RGS6: variants seen among roughly 807,000 people sequenced by gnomAD.
The protein encoded by RGS6 is regulator of G-protein signaling 6.
In RGS6, 30 loss-of-function variants were observed where a neutral mutation model predicts 78.5. That is an observed-to-expected ratio of 0.38 (90% CI 0.29 to 0.52). RGS6 has a LOEUF of 0.52. Among genes scored for constraint, RGS6 ranks in the 20% least tolerant of loss-of-function variants. RGS6 has a pLI of 0.85. For synonymous variants in RGS6, 206 were observed against 206.0 expected (o/e 1.00, Z 0.00); for missense variants, 495 against 609.7 (o/e 0.81, Z 1.98).
intron 13 of RGS6, among the ~76,000 whole-genome samples, chr14:72,500,337 C>A (rs1427145792): frequency 6.6e-6 from 1 of 152,222 alleles, no homozygotes; most frequent in Non-Finnish European, 1.5e-5. Context: ...CTTCTCCCAA[C>A]AGACTACTCC....
chr14:71,985,009 A>G (rs1252157271), intron 2 of RGS6, among the ~76,000 whole-genome samples: 3 of 152,274 alleles, frequency 2.0e-5, no homozygotes, highest in African/African-American at 4.8e-5. Flanking sequence ...AGTAGTATAC[A>G]TAACACATTA....
At chr14:72,220,604 G>C (rs139400557) in intron 2 of RGS6, among the ~76,000 whole-genome samples, 8 of 152,156 alleles carry the variant, frequency 5.3e-5, no homozygotes, top group African/African-American at 1.7e-4. Flanking sequence ...GGCTGCTTCC[G>C]TATAGTATTT....
chr14:72,384,407 G>T (rs2087202988), intron 3 of RGS6, among the ~76,000 whole-genome samples: 1 of 152,132 alleles, frequency 6.6e-6, no homozygotes, highest in South Asian at 2.1e-4. Flanking sequence ...AAAATGAAAT[G>T]TATGTTTTTT....
At chr14:71,961,550 G>A (rs2093200812) in intron 1 of RGS6, among the ~76,000 whole-genome samples, 1 of 152,136 alleles carries the variant, frequency 6.6e-6, no homozygotes, top group African/African-American at 2.4e-5. Context: ...CTAGGAAGTG[G>A]TGGAGCCTGG....
chr14:72,024,206 G>T (rs565990525), intron 2 of RGS6, among the ~76,000 whole-genome samples: 1 of 152,300 alleles, frequency 6.6e-6, no homozygotes, highest in South Asian at 2.1e-4. Context: ...AAGAACAGGA[G>T]GAAATAAAAT....
At chr14:72,352,478 C>T (rs561672049) in intron 3 of RGS6, among the ~76,000 whole-genome samples, 4 of 152,272 alleles carry the variant, frequency 2.6e-5, no homozygotes, top group Admixed American at 6.5e-5. Context: ...GCAACTTTGC[C>T]TGTGGGATAC....
At chr14:72,298,431 CTTTTTT>C (rs1201498031) in intron 2 of RGS6, among the ~76,000 whole-genome samples, 13 of 83,746 alleles carry the variant, frequency 1.6e-4, no homozygotes, top group Non-Finnish European at 2.5e-4. Flanking sequence ...CATTAATGTT[CTTTTTT>C]TTTTTTTTTT....
At chr14:72,140,168 G>A (rs551672839) in intron 2 of RGS6, among the ~76,000 whole-genome samples, 54 of 152,228 alleles carry the variant, frequency 3.5e-4, no homozygotes, top group African/African-American at 1.1e-3. Flanking sequence ...AGAAGGTGGC[G>A]AGAAGCTTCA....
At chr14:72,363,999 T>TAAAAAAA (rs55943058) in intron 3 of RGS6, among the ~76,000 whole-genome samples, 504 of 46,794 alleles carry the variant, frequency 0.011, 126 homozygotes, top group African/African-American at 0.028. Context: ...TGGACAAGGC[T>TAAAAAAA]AAAAAAAAAA....
chr14:71,935,791 C>T (rs983715866), intron 1 of RGS6, among the ~76,000 whole-genome samples: 9 of 151,588 alleles, frequency 5.9e-5, no homozygotes, highest in South Asian at 4.2e-4. Flanking sequence ...AAGCTAATGA[C>T]GTATTTATTG....
chr14:72,401,670 A>G (rs185557456), intron 3 of RGS6, among the ~76,000 whole-genome samples: 106 of 152,098 alleles, frequency 7.0e-4, no homozygotes, highest in African/African-American at 2.5e-3. Context: ...AGAAAACTAC[A>G]CAGCTCTTAC....
At chr14:72,282,976 T>C (rs752575465) in intron 2 of RGS6, among the ~76,000 whole-genome samples, 3 of 152,154 alleles carry the variant, frequency 2.0e-5, no homozygotes, top group Non-Finnish European at 2.9e-5. Flanking sequence ...TACTCTCTGC[T>C]TCTATGGTTT....
chr14:72,150,662 C>A (rs147413468), intron 2 of RGS6, among the ~76,000 whole-genome samples: 1 of 151,998 alleles, frequency 6.6e-6, no homozygotes, highest in East Asian at 1.9e-4. Flanking sequence ...GAAATTGCTG[C>A]GAGGTGCTAC....
At chr14:72,247,792 G>T (rs373633804) in intron 2 of RGS6, among the ~76,000 whole-genome samples, 3 of 152,158 alleles carry the variant, frequency 2.0e-5, no homozygotes, top group Non-Finnish European at 4.4e-5. Context: ...CCATTTTCCT[G>T]TTGCTCTCTT....
intron 2 of RGS6, among the ~76,000 whole-genome samples, chr14:72,106,762 T>C (rs2095641423): frequency 6.6e-6 from 1 of 152,182 alleles, no homozygotes; most frequent in Admixed American, 6.5e-5. Flanking sequence ...ACTTGGACTG[T>C]TAGACCTGTT....
At chr14:72,062,284 G>A (rs531019700) in intron 2 of RGS6, among the ~76,000 whole-genome samples, 1 of 152,244 alleles carries the variant, frequency 6.6e-6, no homozygotes, top group Non-Finnish European at 1.5e-5. Flanking sequence ...AAAGAGACCA[G>A]TGTGGCTGGA....
intron 2 of RGS6, among the ~76,000 whole-genome samples, chr14:72,100,011 G>A (rs535246650): frequency 5.3e-5 from 8 of 152,170 alleles, no homozygotes; most frequent in East Asian, 3.9e-4. Flanking sequence ...AGCAGAGAGC[G>A]GGTCACCAGC....
chr14:72,022,109 T>C (rs1429047377), intron 2 of RGS6, among the ~76,000 whole-genome samples: 1 of 152,198 alleles, frequency 6.6e-6, no homozygotes, highest in Non-Finnish European at 1.5e-5. Context: ...ATGATCTTGT[T>C]ATTTTTTATG....
intron 13 of RGS6, among the ~76,000 whole-genome samples, chr14:72,500,820 A>C (rs2096714286): frequency 6.6e-6 from 1 of 152,232 alleles, no homozygotes; most frequent in Non-Finnish European, 1.5e-5. Flanking sequence ...GCCAGAGGCC[A>C]ACAAAAACTA....
Sources: allele counts gnomAD v4.1 joint callset (sites outside exome capture counted in the v4.1 genomes callset), GRCh38; gene constraint gnomAD v4.1.1; transcripts MANE v1.5; gene names NCBI Gene and HGNC (gene_info 2026-07-23, HGNC 2026-07-21).